RNLS: variants seen among roughly 807,000 people sequenced by gnomAD.
RNLS encodes the protein renalase.
A neutral mutation model predicts 39.8 loss-of-function variants in RNLS; 39 were observed. That is an observed-to-expected ratio of 0.98 (90% CI 0.76 to 1.28). RNLS has a LOEUF of 1.28. Ranked by LOEUF, RNLS falls within the 50% of genes most tolerant of loss-of-function variation. RNLS has a pLI of 0.00. For synonymous variants in RNLS, 147 were observed against 150.7 expected, an observed-to-expected ratio of 0.98 and a Z score of 0.18; for missense variants, 410 against 413.3, an observed-to-expected ratio of 0.99 and a Z score of 0.07.
At chr10:88,522,223 C>A (rs1846794932) in intron 4 of RNLS, among the ~76,000 whole-genome samples, 1 of 151,924 alleles carries the variant, frequency 6.6e-6, no homozygotes, top group African/African-American at 2.4e-5. Flanking sequence ...ACAGACAGTG[C>A]CTGAAATAAA....
chr10:88,398,830 A>G (rs903330409), intron 4 of RNLS, among the ~76,000 whole-genome samples: 4 of 152,056 alleles, frequency 2.6e-5, no homozygotes, highest in African/African-American at 9.7e-5. Context: ...AGAGACTAGA[A>G]ACAAGAAGTT....
Position 88,363,028 on chromosome 10 carries a change from G to A in RNLS, c.527-303C>T, listed in dbSNP as rs114071939. The stretch of plus-strand genomic sequence containing the variant: ...TGGTATCCCAGTCCTTGGACTGTCT[G>A]GCCACATTATAGATTCCATACACTG... On this transcript the variant is annotated intron_variant, in intron 4 of 6. Transcript: ENST00000331772. 4.4e-3 allele frequency among the ~76,000 whole-genome samples: 669 copies of A among 152,192 alleles called. 5 individuals are homozygous for A. Among genetic ancestry groups the A allele is most frequent in the African/African-American group, 0.016 (645 of 41,514 alleles).
At chr10:88,174,529 G>A in the RNLS span, among the ~76,000 whole-genome samples, 1 of 151,948 alleles carries the variant, frequency 6.6e-6, no homozygotes, top group Non-Finnish European at 1.5e-5. Flanking sequence ...TATGTTTTTT[G>A]TTCTTCATTT....
chr10:88,216,059 G>T, the RNLS span, among the ~76,000 whole-genome samples: 28 of 152,170 alleles, frequency 1.8e-4, no homozygotes, highest in Admixed American at 1.2e-3. Flanking sequence ...AAAGATCAAG[G>T]ATATTGATTA....
At chr10:88,418,098 T>TAA (rs67974005) in intron 4 of RNLS, among the ~76,000 whole-genome samples, 8 of 121,444 alleles carry the variant, frequency 6.6e-5, no homozygotes, top group Admixed American at 4.0e-4. Context: ...TTTTTTTTTT[T>TAA]AAATTCCTAG....
intron 4 of RNLS, among the ~76,000 whole-genome samples, chr10:88,423,772 T>C (rs1270745804): frequency 6.6e-6 from 1 of 152,204 alleles, no homozygotes; most frequent in Non-Finnish European, 1.5e-5. Flanking sequence ...TCTCCTCAAT[T>C]CCTTGTGTCC....
At chr10:88,244,822 A>T in the RNLS span, among the ~76,000 whole-genome samples, 1 of 152,060 alleles carries the variant, frequency 6.6e-6, no homozygotes, top group Non-Finnish European at 1.5e-5. Context: ...CAACTGAGAG[A>T]CTTTACAGCA....
chr10:88,550,474 G>T (rs1050211997), intron 4 of RNLS, among the ~76,000 whole-genome samples: 9 of 152,110 alleles, frequency 5.9e-5, no homozygotes, highest in Non-Finnish European at 1.0e-4. Flanking sequence ...ATATTTACTT[G>T]GGGAAGTACA....
chr10:88,522,989 C>G (rs937252602), intron 4 of RNLS, among the ~76,000 whole-genome samples: 1 of 152,092 alleles, frequency 6.6e-6, no homozygotes, highest in Admixed American at 6.6e-5. Context: ...ACTCAAGAGA[C>G]AGTGGCATTT....
intron 3 of RNLS, among the ~76,000 whole-genome samples, 175 bp downstream of exon 3, chr10:88,581,392 G>A (rs961696795): frequency 2.0e-5 from 3 of 149,970 alleles, no homozygotes; most frequent in South Asian, 4.2e-4. Context: ...ACATTGTTCC[G>A]GAAATATACA....
intron 4 of RNLS, among the ~76,000 whole-genome samples, chr10:88,476,083 C>T (rs1055541237): frequency 9.2e-5 from 14 of 152,052 alleles, no homozygotes; most frequent in Admixed American, 3.3e-4. Context: ...TCCTGGGAGT[C>T]CAGAAGACAA....
At chr10:88,237,235 T>TCCCG in the RNLS span, among the ~76,000 whole-genome samples, 1 of 29,856 alleles carries the variant, frequency 3.3e-5, no homozygotes, top group Non-Finnish European at 7.3e-5. Flanking sequence ...CCTCCCTCCC[T>TCCCG]CCCTCCCTTC....
chr10:88,217,269 A>G, the RNLS span, among the ~76,000 whole-genome samples: 1 of 152,222 alleles, frequency 6.6e-6, no homozygotes, highest in Non-Finnish European at 1.5e-5. Flanking sequence ...GAAACAGGAC[A>G]GTCAGGGACA....
intron 4 of RNLS, among the ~76,000 whole-genome samples, chr10:88,555,368 A>C (rs1848810795): frequency 6.6e-6 from 1 of 152,046 alleles, no homozygotes; most frequent in Admixed American, 6.6e-5. Flanking sequence ...CTCGGTGTTG[A>C]AGGTGGGCCT....
At chr10:88,206,827 T>G in the RNLS span, among the ~76,000 whole-genome samples, 1 of 152,122 alleles carries the variant, frequency 6.6e-6, no homozygotes, top group Non-Finnish European at 1.5e-5. Context: ...GCCTTTTTTT[T>G]GTAAGAAAAA....
chr10:88,417,862 C>T (rs950460758), intron 4 of RNLS, among the ~76,000 whole-genome samples: 4 of 152,188 alleles, frequency 2.6e-5, no homozygotes, highest in African/African-American at 9.6e-5. Flanking sequence ...GAAGCCTTCT[C>T]TTTAAGATGC....
chr10:88,315,140 C>T, intron 5 of RNLS, among the ~76,000 whole-genome samples: 1 of 152,170 alleles, frequency 6.6e-6, no homozygotes, highest in East Asian at 1.9e-4. Context: ...AACCAAGCTC[C>T]TCTCTGAAAA....
At chr10:88,428,103 A>C (rs1420269131) in intron 4 of RNLS, among the ~76,000 whole-genome samples, 1 of 152,004 alleles carries the variant, frequency 6.6e-6, no homozygotes, top group East Asian at 1.9e-4. Flanking sequence ...GACTGTTGTT[A>C]ACATTGGACA....
chr10:88,429,120 G>C lies in RNLS; in HGVS notation c.527-66395C>G, dbSNP rs368711183. ...ACCATTCTGTAAAGAGAGGCAAAGT[G>C]AAACAGGAGAAAAACAACCAGGCTC... On this transcript the variant is annotated intron_variant, in intron 4 of 6. Transcript: ENST00000331772. Among the ~76,000 whole-genome samples the C allele has an allele frequency of 3.9e-5, 6 of 152,030 alleles. No individual in the cohort carries two copies. The South Asian group carries it at 1.2e-3, about 32-fold the overall frequency.
Sources: gnomAD v4.1 joint callset for allele counts (sites outside exome capture counted in the v4.1 genomes callset) on GRCh38, gnomAD v4.1.1 for gene constraint, MANE v1.5 for transcripts, NCBI Gene and HGNC (gene_info 2026-07-23, HGNC 2026-07-21) for gene names.